HSPD1: variants seen among roughly 807,000 people sequenced by gnomAD.
HSPD1 encodes the protein 60 kDa heat shock protein, mitochondrial.
In HSPD1, 3 loss-of-function variants were observed where a neutral mutation model predicts 53.0. The observed-to-expected ratio is 0.06, with a 90% CI of 0.03 to 0.15. The LOEUF is 0.15. HSPD1 is among the 10% of genes least tolerant of loss of function. HSPD1 has a pLI of 1.00. For synonymous variants in HSPD1, 200 were observed against 228.0 expected (o/e 0.88, Z 1.10); for missense variants, 431 against 694.1 (o/e 0.62, Z 4.26).
chr2:197,487,484 T>C (rs1226393481), intron 11 of HSPD1, among the ~76,000 whole-genome samples: 1 of 152,002 alleles, frequency 6.6e-6, no homozygotes, highest in Non-Finnish European at 1.5e-5. Context: ...GAGGTGGAGG[T>C]TGTCACTGCC....
At chr2:197,497,562 G>GT (rs1330986798) in intron 2 of HSPD1, 170 bp from the exon 3 acceptor site, 2 of 659,454 alleles carry the variant, frequency 3.0e-6, no homozygotes, top group Non-Finnish European at 5.3e-6. Context: ...GACATTCTTT[G>GT]TCTACAGACA....
intron 5 of HSPD1, 132 bp downstream of exon 5, chr2:197,494,525 T>A: frequency 1.5e-6 from 1 of 669,280 alleles, no homozygotes; most frequent in Non-Finnish European, 2.7e-6. Flanking sequence ...AGACTACATA[T>A]GAAGGAATAA....
chr2:197,494,027 G>C, intron 6 of HSPD1, 130 bp downstream of exon 6: 1 of 595,000 alleles, frequency 1.7e-6, no homozygotes, highest in Non-Finnish European at 3.1e-6. Flanking sequence ...ACTTGAACCC[G>C]GAAGGCGGAG....
intron 7 of HSPD1, among the ~76,000 whole-genome samples, chr2:197,491,728 T>G (rs1256655782): frequency 6.6e-6 from 1 of 152,250 alleles, no homozygotes. Flanking sequence ...TTTAAACTAA[T>G]AGTAAACTAT....
rs368305052 is a variant in HSPD1, at chr2:197,498,823, C to T, written c.26G>A (p.Arg9His). ...TACCCTGGACACCGGTCTCATCTGG[C>T]GAAAGACTGTGGGTAACCGAAGCAT... MLRLPTVF[R>H]QMRPVSRVLA... The change falls in exon 2 of 12, where the codon CGC becomes CAC. Residue 9 changes from arginine to histidine, a missense_variant. This residue lies in a region of HSPD1 where 45 missense variants were observed against 36.5 expected (regional missense o/e 1.23). Coordinates refer to ENST00000388968, the MANE Select transcript of HSPD1 (RefSeq NM_002156.5). The T allele has an allele frequency of 1.9e-6, 3 of 1,614,124 alleles. No individual in the cohort carries two copies. Among genetic ancestry groups the T allele is most frequent in the South Asian group, 2.2e-5 (2 of 91,086 alleles).
intron 3 of HSPD1, 111 bp from the exon 4 acceptor site, chr2:197,495,487 AAAT>A: frequency 1.2e-6 from 1 of 810,662 alleles, no homozygotes; most frequent in Non-Finnish European, 2.1e-6. Flanking sequence ...TTAAAAAAAA[AAAT>A]TTTTTTTTTT....
intron 2 of HSPD1, 48 bp downstream of exon 2, chr2:197,498,627 A>T: frequency 6.6e-7 from 1 of 1,513,108 alleles, no homozygotes; most frequent in Non-Finnish European, 9.2e-7. Flanking sequence ...TTGTGAGTAA[A>T]ATGCTATTAA....
intron 3 of HSPD1, among the ~76,000 whole-genome samples, chr2:197,495,931 A>G (rs2086152193): frequency 6.6e-6 from 1 of 152,180 alleles, no homozygotes; most frequent in Admixed American, 6.5e-5. Flanking sequence ...GTAGTTTCAA[A>G]AGTCTCACCA....
In HSPD1 at chr2:197,494,167, AT is replaced by A; in HGVS notation, c.689del (p.Asn230IlefsTer17). ...TTGATTTGTTCTTACCTTTTGATGT[AT>A]TAATAAAGTATGGAGAAATATAGCC... ...DRGYISPYFI[N>X]TSKGQKCEFQ... On this transcript the variant is annotated frameshift_variant, in exon 6 of 12. Transcript: ENST00000388968. LOFTEE classifies it high-confidence loss of function. 7.7e-7 allele frequency: 1 copy of A among 1,303,566 alleles called. No individual in the cohort carries two copies. The highest frequency in any genetic ancestry group is 1.1e-6 in the Non-Finnish European group (1 of 898,386). The allele number at this position is 1,303,566 out of a possible 1,614,324, so 80.7% of individuals were successfully genotyped here.
chr2:197,495,716 C>G (rs529061939), intron 3 of HSPD1, among the ~76,000 whole-genome samples: 1 of 152,250 alleles, frequency 6.6e-6, no homozygotes, highest in East Asian at 1.9e-4. Flanking sequence ...ACCTCAGCTT[C>G]CCATGTAGCT....
At chr2:197,495,825 T>C (rs2086150460) in intron 3 of HSPD1, among the ~76,000 whole-genome samples, 1 of 152,214 alleles carries the variant, frequency 6.6e-6, no homozygotes, top group Non-Finnish European at 1.5e-5. Flanking sequence ...CAGAGTTGCG[T>C]GGCATGTACT....
chr2:197,490,719 ACTC>A (rs2106073013), intron 7 of HSPD1: 1 of 230,842 alleles, frequency 4.3e-6, no homozygotes, highest in African/African-American at 2.3e-5. Context: ...AATCCCCACT[ACTC>A]AGGAGGCCGA....
At chr2:197,500,156 T>C, upstream of HSPD1, 1 of 542,720 alleles carries the variant, frequency 1.8e-6, no homozygotes, top group South Asian at 2.3e-5. Flanking sequence ...GGTAGTTCTT[T>C]CACCTCGGCT....
At position 197,487,890 on chromosome 2, in the gene HSPD1, T is replaced by C; in HGVS notation, c.1537A>G (p.Met513Val). The C allele has an allele frequency of 6.2e-7, 1 of 1,613,870 alleles. No individual in the cohort carries two copies. The highest frequency in any genetic ancestry group is 8.5e-7 in the Non-Finnish European group (1 of 1,179,756). The part of the protein sequence containing the change: ...YDAMAGDFVN[M>V]VEKGIIDPTK... The stretch of plus-strand genomic sequence containing the variant: ...GGGTCAATGATTCCTTTTTCCACCA[T>C]ATTCACAAAATCTCCAGCCATAGCA... Residue 513 changes from methionine (M) to valine (V), a missense_variant, in exon 11 of 12, where the codon ATG becomes GTG. By Grantham distance (21) the Met-to-Val change is conservative. Coordinates refer to ENST00000388968, the MANE Select transcript of HSPD1 (RefSeq NM_002156.5).
intron 1 of HSPD1, 150 bp from the exon 2 acceptor site, chr2:197,499,000 G>T: frequency 1.3e-6 from 1 of 764,112 alleles, no homozygotes; most frequent in Non-Finnish European, 2.3e-6. Context: ...GGAAGGCGCC[G>T]CAGCTTCGGA....
intron 6 of HSPD1, among the ~76,000 whole-genome samples, chr2:197,493,701 G>A (rs1019064990): frequency 6.6e-6 from 1 of 152,140 alleles, no homozygotes; most frequent in South Asian, 2.1e-4. Flanking sequence ...ACACATATTA[G>A]AAAGTATATT....
At chr2:197,495,738 C>T (rs2086149313) in intron 3 of HSPD1, among the ~76,000 whole-genome samples, 2 of 151,838 alleles carry the variant, frequency 1.3e-5, no homozygotes, top group African/African-American at 2.4e-5. Context: ...GGACTACAGG[C>T]ATGTACCTAT....
intron 3 of HSPD1, among the ~76,000 whole-genome samples, chr2:197,495,668 A>C (rs2086148496): frequency 6.6e-6 from 1 of 152,066 alleles, no homozygotes; most frequent in East Asian, 1.9e-4. Context: ...TATGTTGCCC[A>C]AGGTGGTCTT....
rs2086137009 is a variant in HSPD1 at position 197,494,724 on chromosome 2, T to C, written c.539A>G (p.Lys180Arg). 1 of 1,613,120 alleles carries C rather than the reference T, an allele frequency of 6.2e-7. No homozygotes were observed. Among genetic ancestry groups the C allele is most frequent in the Non-Finnish European group, 8.5e-7 (1 of 1,179,130 alleles). Residue 180 changes from lysine to arginine, a missense_variant, in exon 5 of 12, where the codon AAA (lysine) becomes AGA (arginine). Lys to Arg is a conservative substitution (Grantham distance 26). This residue lies in a region of HSPD1 where 386 missense variants were observed against 657.6 expected (regional missense o/e 0.59). Transcript: ENST00000388968. Reference protein sequence around the residue: ...QVATISANGDKEIGNIISDAM... With the variant: ...QVATISANGDREIGNIISDAM... ...ATCAGAGATGATATTGCCAATTTCT[T>C]TGTCTCCGTTTGCAGAAATCGTAGC...
Sources: gnomAD v4.1 joint callset for allele counts (sites outside exome capture counted in the v4.1 genomes callset) on GRCh38, gnomAD v4.1.1 for gene constraint, gnomAD v4.1.1 regional missense constraint, MANE v1.5 for transcripts, NCBI Gene and HGNC (gene_info 2026-07-23, HGNC 2026-07-21) for gene names.